Variants in PATJ observed in about 807,000 individuals in gnomAD.
PATJ encodes PATJ crumbs cell polarity complex component.
A neutral mutation model predicts 224.9 loss-of-function variants in PATJ; 190 were observed. The ratio of observed to expected loss-of-function variants is 0.84; its 90% CI spans 0.75 to 0.95. The LOEUF is 0.95. Among genes scored for constraint, PATJ ranks in the 40% least tolerant of loss-of-function variants. The pLI, the probability that PATJ is intolerant of heterozygous loss-of-function variation, is 0.00. For synonymous variants in PATJ, 769 were observed against 820.3 expected (o/e 0.94, Z 1.07); for missense variants, 2,121 against 2,270.3 (o/e 0.93, Z 1.34).
intron 31 of PATJ, among the ~76,000 whole-genome samples, chr1:62,076,269 C>A (rs1054028539): frequency 6.6e-6 from 1 of 152,188 alleles, no homozygotes; most frequent in Non-Finnish European, 1.5e-5. Context: ...CTGGGACCCA[C>A]ACCCCTAGAT....
At chr1:62,049,832 G>A (rs1219249946) in intron 30 of PATJ, among the ~76,000 whole-genome samples, 1 of 152,120 alleles carries the variant, frequency 6.6e-6, no homozygotes, top group Non-Finnish European at 1.5e-5. Context: ...CACGTGCCAG[G>A]CATGGTGATG....
At position 61,969,983 on chromosome 1, in the gene PATJ, C is replaced by T. The variant is rs576773455; in HGVS notation, c.3671-20185C>T. ...TGCTGGGATTACAGACATGAGCCAC[C>T]GTGCCCGGCCCTTGATTGTGTACTT... On this transcript the variant is annotated intron_variant, in intron 27 of 43. Transcript: ENST00000642238. 4.9e-4 allele frequency among the ~76,000 whole-genome samples: 74 copies of T among 152,152 alleles called. 1 individual carries two copies. The highest frequency in any genetic ancestry group is 1.6e-3 in the African/African-American group (66 of 41,514).
intron 14 of PATJ, among the ~76,000 whole-genome samples, chr1:61,815,097 T>C (rs1192221563): frequency 6.6e-6 from 1 of 152,090 alleles, no homozygotes; most frequent in East Asian, 1.9e-4. Flanking sequence ...GAATAAACAG[T>C]AAATTGAGCA....
At chr1:62,051,655 T>C (rs546349279) in intron 31 of PATJ, among the ~76,000 whole-genome samples, 14 of 152,226 alleles carry the variant, frequency 9.2e-5, no homozygotes, top group African/African-American at 3.4e-4. Context: ...TCTGGTTTAA[T>C]ATTGGATTTT....
chr1:61,923,274 T>C (rs891240784), intron 26 of PATJ, among the ~76,000 whole-genome samples: 2 of 152,174 alleles, frequency 1.3e-5, no homozygotes, highest in Admixed American at 6.5e-5. Flanking sequence ...TGAAATTGCA[T>C]CTTAGATGCC....
At chr1:61,987,157 TCTC>T (rs1216007607) in intron 27 of PATJ, among the ~76,000 whole-genome samples, 1 of 152,066 alleles carries the variant, frequency 6.6e-6, no homozygotes, top group Non-Finnish European at 1.5e-5. Context: ...TTTTTAAAGT[TCTC>T]TTTTTATTGT....
intron 29 of PATJ, among the ~76,000 whole-genome samples, chr1:62,026,880 GAAAGC>G (rs1648052180): frequency 6.6e-6 from 1 of 152,148 alleles, no homozygotes; most frequent in Non-Finnish European, 1.5e-5. Context: ...CAAAATAATT[GAAAGC>G]TGGGTCTGGA....
intron 25 of PATJ, among the ~76,000 whole-genome samples, chr1:61,912,861 G>A (rs765278928): frequency 3.0e-4 from 45 of 152,158 alleles, no homozygotes; most frequent in Non-Finnish European, 5.0e-4. Flanking sequence ...TTGTCAGGGA[G>A]GCAAAGTGTT....
chr1:61,838,592 G>A (rs1167982419), intron 17 of PATJ, among the ~76,000 whole-genome samples: 1 of 143,738 alleles, frequency 7.0e-6, no homozygotes, highest in Non-Finnish European at 1.5e-5. Flanking sequence ...GGATGGTCTC[G>A]ATCTCCTGAC....
intron 1 of PATJ, among the ~76,000 whole-genome samples, chr1:61,750,503 T>G (rs111487950): frequency 1.7e-4 from 26 of 150,392 alleles, no homozygotes; most frequent in African/African-American, 6.4e-4. Context: ...TGGTGTGGTC[T>G]CGGCTCACCA....
At chr1:62,130,892 T>TTG (rs1163129769) in intron 41 of PATJ, among the ~76,000 whole-genome samples, 3 of 152,120 alleles carry the variant, frequency 2.0e-5, no homozygotes, top group African/African-American at 7.2e-5. Flanking sequence ...GAGAAGCAAT[T>TTG]TGTGGTGTTT....
chr1:61,827,401 C>T (rs754454374), intron 15 of PATJ, 21 bp from the exon 16 acceptor site: 22 of 1,609,762 alleles, frequency 1.4e-5, no homozygotes, highest in Non-Finnish European at 1.8e-5. Flanking sequence ...TCAGTTCTGA[C>T]TTATCCCCTT....
intron 42 of PATJ, among the ~76,000 whole-genome samples, chr1:62,150,827 A>G (rs980472620): frequency 2.4e-4 from 36 of 151,592 alleles, no homozygotes; most frequent in African/African-American, 8.7e-4. Flanking sequence ...AAAAAAATGT[A>G]AAGACAAACA....
chr1:61,744,912 C>G (rs998063879), intron 1 of PATJ, among the ~76,000 whole-genome samples: 1 of 152,134 alleles, frequency 6.6e-6, no homozygotes, highest in Non-Finnish European at 1.5e-5. Context: ...GCTCACGGAA[C>G]TCAAGAAAAC....
At chr1:62,082,864 T>C (rs952244147) in intron 32 of PATJ, among the ~76,000 whole-genome samples, 1 of 152,208 alleles carries the variant, frequency 6.6e-6, no homozygotes, top group Non-Finnish European at 1.5e-5. Flanking sequence ...TGCTTTTACA[T>C]AGGTTTAATG....
At position 61,838,695 on chromosome 1, in the gene PATJ, C is replaced by A. The variant is rs951101690; in HGVS notation, c.2112+4910C>A. Among the ~76,000 whole-genome samples, 4 of 152,150 alleles carry A rather than the reference C, an allele frequency of 2.6e-5. No homozygotes were observed. In the South Asian group the frequency reaches 6.2e-4, roughly 24 times the overall value. Reference sequence around the variant, plus strand: ...GACTGAGTACTCTGTTTCTAAGCAACAAAACTCTTCAGAAACTTGGTTATA... The same window carrying A: ...GACTGAGTACTCTGTTTCTAAGCAAAAAAACTCTTCAGAAACTTGGTTATA... On this transcript the variant is annotated intron_variant, in intron 17 of 43. Coordinates refer to ENST00000642238, the MANE Select transcript of PATJ (RefSeq NM_001350145.3).
In PATJ at chr1:61,774,367, G is replaced by A. The variant is rs551689301; in HGVS notation, c.721-839G>A. Among the ~76,000 whole-genome samples, 19 of 152,228 alleles carry A rather than the reference G, an allele frequency of 1.2e-4. 1 individual carries two copies. The East Asian group carries it at 1.4e-3, about 11-fold the overall frequency. ...AGAGGGAGGATATTGTTCTGCAGGT[G>A]GATTATGTGAAGTAATGCACATTTC... is the stretch of plus-strand genomic sequence containing the variant. On this transcript the variant is annotated intron_variant, in intron 6 of 43. Transcript: ENST00000642238.
intron 39 of PATJ, among the ~76,000 whole-genome samples, chr1:62,123,678 C>T (rs1234601456): frequency 1.3e-5 from 2 of 149,266 alleles, no homozygotes; most frequent in African/African-American, 2.5e-5. Flanking sequence ...GGGTTTTCAC[C>T]GTGTTAGCCA....
intron 27 of PATJ, among the ~76,000 whole-genome samples, chr1:61,945,213 T>G (rs1678483679): frequency 6.6e-6 from 1 of 152,112 alleles, no homozygotes; most frequent in Non-Finnish European, 1.5e-5. Flanking sequence ...CAGGATCAAA[T>G]TCACACATAA....
Sources: allele counts gnomAD v4.1 joint callset (sites outside exome capture counted in the v4.1 genomes callset), GRCh38; gene constraint gnomAD v4.1.1; transcripts MANE v1.5; gene names NCBI Gene and HGNC (gene_info 2026-07-23, HGNC 2026-07-21).